THSD4: variants seen among roughly 807,000 people sequenced by gnomAD.
THSD4 encodes the protein thrombospondin type 1 domain containing 4, also known as thrombospondin type-1 domain-containing protein 4.
THSD4 carries 69 observed loss-of-function variants against 119.0 expected under a neutral mutation model. The ratio of observed to expected loss-of-function variants is 0.58; its 90% confidence interval spans 0.48 to 0.71. The LOEUF (loss-of-function observed/expected upper bound fraction) is 0.71. THSD4 is among the 30% of genes least tolerant of loss of function. The pLI, the probability that THSD4 is intolerant of heterozygous loss-of-function variation, is 0.00. For missense variants in THSD4, 1,393 were observed against 1,391.1 expected (o/e 1.00, Z -0.02); for synonymous variants, 524 against 540.4 (o/e 0.97, Z 0.42).
At position 71,385,031 on chromosome 15, in the gene THSD4, G is replaced by A. The variant is rs184473445; in HGVS notation, c.1016-26656G>A. ...AAAGCTGGAGTTTGCACCCCCTTCA[G>A]TAATTGCCATTTACTGCCAGTTTCC... On this transcript the variant is annotated intron_variant, in intron 6 of 17. Transcript: ENST00000261862. Among the ~76,000 whole-genome samples, 136 of 152,268 alleles carry A rather than the reference G, an allele frequency of 8.9e-4. 1 individual carries two copies. Among genetic ancestry groups the A allele is most frequent in the Admixed American group, 3.7e-3 (56 of 15,302 alleles).
intron 7 of THSD4, among the ~76,000 whole-genome samples, chr15:71,630,644 A>G (rs1011742036): frequency 6.6e-6 from 1 of 152,164 alleles, no homozygotes; most frequent in Non-Finnish European, 1.5e-5. Context: ...CTGGAATGGT[A>G]ATGACAGTCT....
At chr15:71,155,679 C>T (rs367975125) in intron 3 of THSD4, among the ~76,000 whole-genome samples, 19 of 152,250 alleles carry the variant, frequency 1.2e-4, no homozygotes, top group Admixed American at 7.8e-4. Flanking sequence ...CTTGGGGCAC[C>T]TTCAAGGTCA....
chr15:71,371,578 C>T (rs565122612), intron 6 of THSD4, among the ~76,000 whole-genome samples: 191 of 152,258 alleles, frequency 1.3e-3, no homozygotes, highest in African/African-American at 4.2e-3. Context: ...GTTGAAAATT[C>T]TTTTCTTTAA....
chr15:71,133,955 T>C (rs951519086), intron 1 of THSD4, among the ~76,000 whole-genome samples: 3 of 152,222 alleles, frequency 2.0e-5, no homozygotes, highest in Admixed American at 2.0e-4. Flanking sequence ...GTGTTTTCCT[T>C]AATGAGTAAC....
chr15:71,257,956 T>G (rs1445434651), intron 6 of THSD4, among the ~76,000 whole-genome samples: 1 of 152,022 alleles, frequency 6.6e-6, no homozygotes, highest in Non-Finnish European at 1.5e-5. Context: ...AAAAGAAGGA[T>G]GCCAAAGTGA....
intron 3 of THSD4, among the ~76,000 whole-genome samples, chr15:71,199,290 T>C (rs1365858556): frequency 6.6e-6 from 1 of 152,220 alleles, no homozygotes; most frequent in African/African-American, 2.4e-5. Context: ...GGCCATGCTC[T>C]GGGGACTAGA....
chr15:71,664,387 T>C (rs969343813), intron 8 of THSD4, among the ~76,000 whole-genome samples: 3 of 152,190 alleles, frequency 2.0e-5, no homozygotes, highest in African/African-American at 4.8e-5. Flanking sequence ...TGTGAAATAT[T>C]TGGTATTTTT....
intron 1 of THSD4, among the ~76,000 whole-genome samples, chr15:71,128,326 A>C (rs1339807969): frequency 1.3e-5 from 2 of 152,116 alleles, no homozygotes; most frequent in East Asian, 3.9e-4. Context: ...CAGGAGTTTG[A>C]GACCAGCCTG....
chr15:71,437,001 A>AT (rs2047022190), intron 7 of THSD4, among the ~76,000 whole-genome samples: 1 of 152,156 alleles, frequency 6.6e-6, no homozygotes, highest in Non-Finnish European at 1.5e-5. Flanking sequence ...AGGCTGGGTA[A>AT]TTTATAAAGA....
intron 3 of THSD4, chr15:71,187,351 C>T (rs2043618636): frequency 6.6e-6 from 1 of 152,644 alleles, no homozygotes; most frequent in Admixed American, 6.5e-5. Flanking sequence ...TGCCTTTGTC[C>T]CCGTGGACTT....
intron 3 of THSD4, among the ~76,000 whole-genome samples, chr15:71,207,933 ACAT>A (rs1195135164): frequency 2.0e-5 from 3 of 152,236 alleles, no homozygotes; most frequent in African/African-American, 7.2e-5. Flanking sequence ...ACAGAAACTA[ACAT>A]AAGCGATAAG....
chr15:71,662,516 G>T (rs1347786957), intron 8 of THSD4, among the ~76,000 whole-genome samples: 1 of 152,184 alleles, frequency 6.6e-6, no homozygotes, highest in African/African-American at 2.4e-5. Flanking sequence ...TTCTTCTGGG[G>T]ATTATTTGAA....
At chr15:71,160,307 G>C (rs2043239072) in intron 3 of THSD4, among the ~76,000 whole-genome samples, 1 of 151,902 alleles carries the variant, frequency 6.6e-6, no homozygotes, top group Non-Finnish European at 1.5e-5. Context: ...TCTGGTTTTG[G>C]AATCAGGATA....
intron 7 of THSD4, among the ~76,000 whole-genome samples, chr15:71,511,930 A>G (rs2048289688): frequency 6.6e-6 from 1 of 152,102 alleles, no homozygotes; most frequent in Admixed American, 6.5e-5. Flanking sequence ...TTTATTGGCA[A>G]CCCTAGGGAG....
intron 1 of THSD4, among the ~76,000 whole-genome samples, chr15:71,119,970 G>A (rs918002172): frequency 6.6e-6 from 1 of 152,236 alleles, no homozygotes; most frequent in African/African-American, 2.4e-5. Context: ...AAGCCCTAAG[G>A]CACATAGCAG....
intron 6 of THSD4, among the ~76,000 whole-genome samples, chr15:71,314,780 T>C (rs1018895132): frequency 6.6e-6 from 1 of 152,242 alleles, no homozygotes; most frequent in Non-Finnish European, 1.5e-5. Context: ...AATACACCTC[T>C]TGTAGCAGGT....
At chr15:71,316,607 C>T (rs1472908754) in intron 6 of THSD4, among the ~76,000 whole-genome samples, 2 of 152,130 alleles carry the variant, frequency 1.3e-5, no homozygotes, top group African/African-American at 4.8e-5. Context: ...GGGAGGGGTA[C>T]CCATCATGCT....
intron 7 of THSD4, among the ~76,000 whole-genome samples, chr15:71,562,956 G>A (rs1449474329): frequency 6.6e-6 from 1 of 152,140 alleles, no homozygotes; most frequent in East Asian, 1.9e-4. Flanking sequence ...ACCCGCCTCG[G>A]CCTCCCAAAA....
rs191558263 is a variant in THSD4, at chr15:71,533,172, G to A, written c.1152+121349G>A. ...CCGTGGGGCAAATCCCCGGTAATCT[G>A]AGCAGGATCAAAATAAACTTCGTTA... On this transcript the variant is annotated intron_variant, in intron 7 of 17. Coordinates refer to ENST00000261862, the MANE Select transcript of THSD4 (RefSeq NM_024817.3). 3.9e-5 allele frequency among the ~76,000 whole-genome samples: 6 copies of A among 152,334 alleles called. No homozygotes were observed. In the East Asian group the frequency reaches 1.2e-3, roughly 29 times the overall value.
Sources: allele counts gnomAD v4.1 joint callset (sites outside exome capture counted in the v4.1 genomes callset), GRCh38; gene constraint gnomAD v4.1.1; transcripts MANE v1.5; gene names NCBI Gene and HGNC (gene_info 2026-07-23, HGNC 2026-07-21).